DNAJC6: variants seen among roughly 807,000 people sequenced by gnomAD.
DNAJC6 encodes DnaJ heat shock protein family (Hsp40) member C6, also known as auxilin.
A neutral mutation model predicts 110.0 loss-of-function variants in DNAJC6; 34 were observed. That is an observed-to-expected ratio of 0.31 (90% CI 0.24 to 0.41). The LOEUF (loss-of-function observed/expected upper bound fraction) is 0.41. DNAJC6 is among the 10% of genes least tolerant of loss of function. The pLI is 1.00. For missense variants in DNAJC6, 1,031 were observed against 1,207.8 expected (o/e 0.85, Z 2.17); for synonymous variants, 406 against 437.2 (o/e 0.93, Z 0.89).
chr1:65,387,875 C>T (rs1645887399), intron 8 of DNAJC6, among the ~76,000 whole-genome samples: 1 of 152,156 alleles, frequency 6.6e-6, no homozygotes, highest in African/African-American at 2.4e-5. Context: ...CTTTAAGGGA[C>T]TCAATTTCAC....
chr1:65,380,053 A>T (rs1381566537), intron 5 of DNAJC6, among the ~76,000 whole-genome samples: 1 of 152,176 alleles, frequency 6.6e-6, no homozygotes, highest in East Asian at 1.9e-4. Flanking sequence ...CCTGTCCTTT[A>T]CAACTCAACT....
intron 1 of DNAJC6, among the ~76,000 whole-genome samples, chr1:65,304,086 G>A (rs562964699): frequency 6.6e-6 from 1 of 151,898 alleles, no homozygotes; most frequent in Non-Finnish European, 1.5e-5. Flanking sequence ...AAAATCTTTA[G>A]ATTTAAGGTA....
chr1:65,324,598 A>G (rs904518239), intron 1 of DNAJC6, among the ~76,000 whole-genome samples: 5 of 152,064 alleles, frequency 3.3e-5, no homozygotes, highest in South Asian at 2.1e-4. Flanking sequence ...AGGTCAAGCA[A>G]TGCTCCCACC....
Position 65,331,168 on chromosome 1 carries a change from A to T in DNAJC6, c.193+21230A>T, listed in dbSNP as rs189303988. Reference sequence around the variant, plus strand: ...TGGTTGGCAAATAGCAGTCTCTACCATACCCCTCCTTCTTCAGCTCCAGGG... The same window carrying T: ...TGGTTGGCAAATAGCAGTCTCTACCTTACCCCTCCTTCTTCAGCTCCAGGG... On this transcript the variant is annotated intron_variant, in intron 1 of 18. Coordinates refer to ENST00000371069, the MANE Select transcript of DNAJC6 (RefSeq NM_001256864.2). Among the ~76,000 whole-genome samples, 776 of 152,316 alleles carry T rather than the reference A, an allele frequency of 5.1e-3. 5 individuals are homozygous for T. Among genetic ancestry groups the T allele is most frequent in the Middle Eastern group, 0.044 (13 of 294 alleles).
At chr1:65,361,164 T>C (rs72679478) in intron 1 of DNAJC6, among the ~76,000 whole-genome samples, 5,305 of 152,292 alleles carry the variant, frequency 0.035, 130 homozygotes, top group Non-Finnish European at 0.058. Context: ...ATCTGTAAAC[T>C]GGGGATAATA....
chr1:65,293,021 C>T (rs926263203), intron 1 of DNAJC6, among the ~76,000 whole-genome samples: 1 of 152,106 alleles, frequency 6.6e-6, no homozygotes, highest in Non-Finnish European at 1.5e-5. Context: ...GAAGAGGAGC[C>T]AAGAGAGCAA....
At chr1:65,323,261 TC>T (rs1330383971) in intron 1 of DNAJC6, among the ~76,000 whole-genome samples, 1 of 152,198 alleles carries the variant, frequency 6.6e-6, no homozygotes, top group Non-Finnish European at 1.5e-5. Context: ...CGAATTGTAA[TC>T]CCCATTTGTC....
chr1:65,392,498 A>G lies in DNAJC6; in HGVS notation c.1536A>G (p.Gln512=), dbSNP rs1645937562. Reference sequence around the variant, plus strand: ...CCCTAGTGAATCAGGAAAGTGAGCAATCAGATGATGAACTTCTGACACTTT... The same window carrying G: ...CCCTAGTGAATCAGGAAAGTGAGCAGTCAGATGATGAACTTCTGACACTTT... ...HAALVNQESE[Q]SDDELLTLSS... Residue 512 remains glutamine (Q), a synonymous_variant, in exon 12 of 19, where the codon CAA becomes CAG. Transcript: ENST00000371069. 6.2e-7 allele frequency: 1 copy of G among 1,613,938 alleles called. No homozygotes were observed. The highest frequency in any genetic ancestry group is 8.5e-7 in the Non-Finnish European group (1 of 1,179,904).
At chr1:65,323,618 C>G (rs1645215499) in intron 1 of DNAJC6, among the ~76,000 whole-genome samples, 2 of 152,092 alleles carry the variant, frequency 1.3e-5, no homozygotes, top group South Asian at 4.2e-4. Context: ...TTTTCTGAAG[C>G]AGGTTCTTAC....
At chr1:65,340,704 A>G (rs762190630) in intron 1 of DNAJC6, among the ~76,000 whole-genome samples, 6 of 152,136 alleles carry the variant, frequency 3.9e-5, no homozygotes, top group Non-Finnish European at 7.3e-5. Context: ...CATTTGGCAG[A>G]AAAAAAGTGT....
chr1:65,334,254 G>C (rs907660240), intron 1 of DNAJC6, among the ~76,000 whole-genome samples: 1 of 152,232 alleles, frequency 6.6e-6, no homozygotes. Context: ...ACAGCCTCTG[G>C]CAAGGTGGTG....
intron 1 of DNAJC6, among the ~76,000 whole-genome samples, chr1:65,355,453 G>A (rs1053589840): frequency 1.3e-5 from 2 of 152,048 alleles, no homozygotes; most frequent in Non-Finnish European, 2.9e-5. Flanking sequence ...GCCTCTGCCT[G>A]CCAGTGCTTA....
chr1:65,409,261 A>G (rs935422509), intron 17 of DNAJC6, among the ~76,000 whole-genome samples: 1 of 152,192 alleles, frequency 6.6e-6, no homozygotes, highest in Admixed American at 6.5e-5. Context: ...TATAAAAGGC[A>G]TGATAGTAGA....
chr1:65,393,935 G>A, intron 12 of DNAJC6, among the ~76,000 whole-genome samples: 1 of 152,140 alleles, frequency 6.6e-6, no homozygotes, highest in African/African-American at 2.4e-5. Flanking sequence ...TGGTGTTGAG[G>A]CTCAAGCTCC....
At chr1:65,323,584 T>C (rs191340201) in intron 1 of DNAJC6, among the ~76,000 whole-genome samples, 5 of 152,228 alleles carry the variant, frequency 3.3e-5, no homozygotes, top group African/African-American at 1.2e-4. Context: ...TTAATACACC[T>C]TCCTTCCTTT....
intron 1 of DNAJC6, among the ~76,000 whole-genome samples, chr1:65,274,411 G>A (rs977275743): frequency 1.1e-4 from 17 of 152,082 alleles, no homozygotes; most frequent in Non-Finnish European, 2.9e-5. Context: ...CCGCCTCCTG[G>A]GTTCAAGCGA....
intron 1 of DNAJC6, among the ~76,000 whole-genome samples, chr1:65,346,850 T>G (rs1055005320): frequency 6.6e-6 from 1 of 151,992 alleles, no homozygotes; most frequent in East Asian, 1.9e-4. Context: ...CAAACTGCAA[T>G]TCAGGCATCA....
At chr1:65,379,578 G>A (rs1037093688) in intron 5 of DNAJC6, 54 bp downstream of exon 5, 6 of 1,601,582 alleles carry the variant, frequency 3.7e-6, no homozygotes, top group Admixed American at 3.4e-5. Flanking sequence ...AAATATGGAT[G>A]AGCCTGTACA....
Position 65,269,545 on chromosome 1 carries a change from T to A in DNAJC6, c.-131+4613T>A, listed in dbSNP as rs558424643. Among the ~76,000 whole-genome samples, 569 of 152,254 alleles carry A rather than the reference T, an allele frequency of 3.7e-3. 2 individuals carry two copies. The highest frequency in any genetic ancestry group is 0.013 in the African/African-American group (536 of 41,546). The stretch of plus-strand genomic sequence containing the variant: ...GTAATTCAAAATAAGTGTAAAAAAA[T>A]TTTTAAAAAGTTGTGATTTTTCTTA... On this transcript the variant is annotated intron_variant, in intron 1 of 19. Coordinates refer to the DNAJC6 transcript ENST00000263441.
Sources: gnomAD v4.1 joint callset for allele counts (sites outside exome capture counted in the v4.1 genomes callset) on GRCh38, gnomAD v4.1.1 for gene constraint, MANE v1.5 for transcripts, NCBI Gene and HGNC (gene_info 2026-07-23, HGNC 2026-07-21) for gene names.